Variants in SND1 observed in about 807,000 individuals in gnomAD.
SND1 encodes the protein staphylococcal nuclease domain-containing protein 1.
A neutral mutation model predicts 121.7 loss-of-function variants in SND1; 38 were observed. The observed-to-expected ratio is 0.31, with a 90% CI of 0.24 to 0.41. The LOEUF is 0.41. Ranked by LOEUF, SND1 falls within the 10% of genes least tolerant of loss-of-function variation. The probability of loss-of-function intolerance (pLI) is 1.00; values close to 1 mark genes in which losing one functional copy is unlikely to be tolerated. For missense variants in SND1, 868 were observed against 1,184.6 expected, an observed-to-expected ratio of 0.73 and a Z score of 3.92; for synonymous variants, 401 against 447.4, an observed-to-expected ratio of 0.90 and a Z score of 1.31.
chr7:128,040,147 G>A (rs1792824776), intron 16 of SND1, among the ~76,000 whole-genome samples: 1 of 143,420 alleles, frequency 7.0e-6, no homozygotes, highest in South Asian at 2.1e-4. Context: ...GAGTCTGCCT[G>A]GGAGCCCAGG....
At chr7:127,852,224 A>G (rs1490260581) in intron 12 of SND1, among the ~76,000 whole-genome samples, 6 of 151,742 alleles carry the variant, frequency 4.0e-5, no homozygotes, top group African/African-American at 1.2e-4. Flanking sequence ...CCTGGGCGAG[A>G]TGGCTCACGT....
chr7:127,971,360 A>G (rs1584705284), intron 15 of SND1, among the ~76,000 whole-genome samples: 1 of 152,236 alleles, frequency 6.6e-6, no homozygotes, highest in Non-Finnish European at 1.5e-5. Context: ...ATAGTTTATT[A>G]TGGCTGTCAT....
At chr7:128,047,254 T>G (rs1352126413) in intron 16 of SND1, among the ~76,000 whole-genome samples, 2 of 152,218 alleles carry the variant, frequency 1.3e-5, no homozygotes, top group Non-Finnish European at 2.9e-5. Context: ...TGGCTGTTGA[T>G]CAGGCAACCC....
intron 15 of SND1, among the ~76,000 whole-genome samples, chr7:127,944,046 G>A (rs1259329530): frequency 2.0e-5 from 3 of 152,156 alleles, no homozygotes; most frequent in Admixed American, 2.0e-4. Flanking sequence ...TATGCCATTG[G>A]CTCCTGACGG....
In SND1 at chr7:127,701,095, A is replaced by G. The variant is rs73723041; in HGVS notation, c.429-68A>G. ...GGGGTGAAGATGCTGAAGAAAACCT[A>G]TATCAGAGAGCCTCGTATTTCTGTT... On this transcript the variant is annotated intron_variant, in intron 4 of 23. Coordinates refer to ENST00000354725, the MANE Select transcript of SND1 (RefSeq NM_014390.4). 4,983 of 1,555,230 alleles carry G rather than the reference A, an allele frequency of 3.2e-3. 168 individuals carry two copies. The African/African-American group carries it at 0.06, about 19-fold the overall frequency.
chr7:127,958,562 G>A (rs907736862), intron 15 of SND1, among the ~76,000 whole-genome samples: 5 of 152,260 alleles, frequency 3.3e-5, no homozygotes, highest in South Asian at 4.1e-4. Flanking sequence ...GCTAGAGTCC[G>A]GGTTTCTCAC....
At chr7:127,699,170 C>T (rs1367112099) in intron 4 of SND1, among the ~76,000 whole-genome samples, 4 of 152,142 alleles carry the variant, frequency 2.6e-5, no homozygotes, top group Non-Finnish European at 4.4e-5. Context: ...TGAGACTAGG[C>T]AATTCTATTC....
At chr7:127,871,703 G>A (rs184535338) in intron 12 of SND1, among the ~76,000 whole-genome samples, 70 of 152,252 alleles carry the variant, frequency 4.6e-4, no homozygotes, top group African/African-American at 1.7e-3. Context: ...TATGCTTAAT[G>A]CTCATTGAAA....
intron 12 of SND1, among the ~76,000 whole-genome samples, chr7:127,879,933 A>G (rs1484836107): frequency 1.3e-5 from 2 of 152,212 alleles, no homozygotes; most frequent in Non-Finnish European, 2.9e-5. Context: ...GCATGCAGGC[A>G]TCTGCATGAG....
At chr7:128,040,627 C>T (rs943615950) in intron 16 of SND1, among the ~76,000 whole-genome samples, 1 of 152,144 alleles carries the variant, frequency 6.6e-6, no homozygotes, top group Non-Finnish European at 1.5e-5. Flanking sequence ...ACTTATCCTA[C>T]GGAATTTCTG....
intron 10 of SND1, among the ~76,000 whole-genome samples, chr7:127,801,401 A>G (rs901255548): frequency 1.3e-5 from 2 of 152,188 alleles, no homozygotes; most frequent in African/African-American, 2.4e-5. Context: ...TTGCCAATTC[A>G]TCTATGGGTT....
At chr7:127,914,755 T>C (rs1347314240) in intron 14 of SND1, among the ~76,000 whole-genome samples, 2 of 152,132 alleles carry the variant, frequency 1.3e-5, no homozygotes, top group African/African-American at 4.8e-5. Flanking sequence ...TTCTAGAATA[T>C]AGTGGCAGTA....
At chr7:128,086,522 G>T in intron 20 of SND1, 1 of 281,232 alleles carries the variant, frequency 3.6e-6, no homozygotes, top group South Asian at 3.3e-5. Flanking sequence ...CCACAGGCAG[G>T]CCCGGTGACC....
At chr7:127,824,431 C>T (rs1798607079) in intron 11 of SND1, among the ~76,000 whole-genome samples, 1 of 152,184 alleles carries the variant, frequency 6.6e-6, no homozygotes, top group South Asian at 2.1e-4. Context: ...GGAGACATAA[C>T]AAGTGTTCAA....
intron 1 of SND1, among the ~76,000 whole-genome samples, chr7:127,665,345 C>T (rs1293372096): frequency 2.0e-5 from 3 of 152,054 alleles, no homozygotes; most frequent in Non-Finnish European, 4.4e-5. Flanking sequence ...CGCCACCACG[C>T]CCGGCCAATT....
At chr7:128,050,232 A>C (rs1007012065) in intron 16 of SND1, among the ~76,000 whole-genome samples, 1 of 152,172 alleles carries the variant, frequency 6.6e-6, no homozygotes, top group African/African-American at 2.4e-5. Context: ...GAACGCCTCT[A>C]TGGAGGCATT....
chr7:128,003,590 G>A (rs938895889), intron 16 of SND1, among the ~76,000 whole-genome samples: 5 of 152,190 alleles, frequency 3.3e-5, no homozygotes, highest in Admixed American at 6.5e-5. Flanking sequence ...TAATGCTTGC[G>A]GTGCTGGGGT....
intron 16 of SND1, among the ~76,000 whole-genome samples, chr7:128,041,258 G>C (rs1021914542): frequency 6.6e-6 from 1 of 152,044 alleles, no homozygotes; most frequent in African/African-American, 2.4e-5. Context: ...AATATAATGA[G>C]ACCCCCCATC....
At chr7:128,022,967 A>G (rs548180174) in intron 16 of SND1, among the ~76,000 whole-genome samples, 3 of 152,232 alleles carry the variant, frequency 2.0e-5, no homozygotes, top group African/African-American at 4.8e-5. Context: ...TAGGAAATCA[A>G]AATGCATTCT....
Sources: gnomAD v4.1 joint callset for allele counts (sites outside exome capture counted in the v4.1 genomes callset) on GRCh38, gnomAD v4.1.1 for gene constraint, MANE v1.5 for transcripts, NCBI Gene and HGNC (gene_info 2026-07-23, HGNC 2026-07-21) for gene names.